RUNDC3B: variants seen among roughly 807,000 people sequenced by gnomAD.
RUNDC3B encodes the protein RUN domain containing 3B.
In RUNDC3B, 33 loss-of-function variants were observed where a neutral mutation model predicts 58.4. That is an observed-to-expected ratio of 0.56 (90% confidence interval 0.43 to 0.75). The LOEUF (loss-of-function observed/expected upper bound fraction) is 0.75. Ranked by LOEUF, RUNDC3B falls within the 30% of genes least tolerant of loss-of-function variation. RUNDC3B has a pLI of 0.00. For missense variants in RUNDC3B, 501 were observed against 535.7 expected, an observed-to-expected ratio of 0.94 and a Z score of 0.64; for synonymous variants, 193 against 195.2, an observed-to-expected ratio of 0.99 and a Z score of 0.10.
At chr7:87,726,706 G>T (rs1831252401) in intron 4 of RUNDC3B, among the ~76,000 whole-genome samples, 1 of 152,116 alleles carries the variant, frequency 6.6e-6, no homozygotes, top group African/African-American at 2.4e-5. Context: ...TCAGGATATT[G>T]ATTCTTCCTA....
intron 10 of RUNDC3B, among the ~76,000 whole-genome samples, chr7:87,817,889 A>G (rs923958004): frequency 6.6e-6 from 1 of 152,328 alleles, no homozygotes; most frequent in Middle Eastern, 3.4e-3. Flanking sequence ...TCAAGTAACC[A>G]TATAATGACA....
At chr7:87,645,130 C>T (rs1218826933) in intron 1 of RUNDC3B, among the ~76,000 whole-genome samples, 16 of 149,936 alleles carry the variant, frequency 1.1e-4, no homozygotes, top group East Asian at 3.9e-4. Context: ...TTGCTCAGGC[C>T]GGAGTGCAGT....
At chr7:87,657,661 T>G (rs1824245926) in intron 2 of RUNDC3B, among the ~76,000 whole-genome samples, 2 of 152,164 alleles carry the variant, frequency 1.3e-5, no homozygotes, top group Non-Finnish European at 2.9e-5. Flanking sequence ...AGTAATGTGC[T>G]GGTTCCTGGC....
At chr7:87,715,246 AATT>A (rs920591416) in intron 4 of RUNDC3B, among the ~76,000 whole-genome samples, 1 of 136,456 alleles carries the variant, frequency 7.3e-6, no homozygotes, top group African/African-American at 2.7e-5. Flanking sequence ...TTATATATAT[AATT>A]ATATTATATA....
intron 5 of RUNDC3B, 58 bp downstream of exon 5, chr7:87,739,938 T>C (rs937727615): frequency 1.3e-6 from 1 of 786,840 alleles, no homozygotes. Context: ...AGTTTCTACT[T>C]ATGATTTTTT....
Position 87,810,060 on chromosome 7 carries a change from A to G in RUNDC3B, c.1103+2541A>G, listed in dbSNP as rs111839977. On this transcript the variant is annotated intron_variant, in intron 9 of 10. Transcript: ENST00000394654. ...AATTCATTACAGTTTTAATGATAGT[A>G]GATGATTTTTCCTGGTAAAGATATG... Among the ~76,000 whole-genome samples, 556 of 151,754 alleles carry G rather than the reference A, an allele frequency of 3.7e-3. 2 individuals are homozygous for G. The highest frequency in any genetic ancestry group is 0.027 in the Middle Eastern group (8 of 294).
At chr7:87,670,954 C>T (rs1023234264) in intron 2 of RUNDC3B, among the ~76,000 whole-genome samples, 1 of 152,050 alleles carries the variant, frequency 6.6e-6, no homozygotes, top group Non-Finnish European at 1.5e-5. Flanking sequence ...CTGCCCACTG[C>T]AGCTTTGGGG....
At chr7:87,693,966 A>G (rs1168940290) in intron 2 of RUNDC3B, 1 of 1,611,516 alleles carries the variant, frequency 6.2e-7, no homozygotes, top group African/African-American at 1.3e-5. Context: ...AAGGTACTCT[A>G]TGCTGGTGAT....
At chr7:87,747,413 G>A (rs889095288) in intron 6 of RUNDC3B, among the ~76,000 whole-genome samples, 1 of 152,188 alleles carries the variant, frequency 6.6e-6, no homozygotes, top group Non-Finnish European at 1.5e-5. Context: ...ACTCTGTGAG[G>A]GTTGTTAGCT....
intron 8 of RUNDC3B, among the ~76,000 whole-genome samples, chr7:87,784,761 G>A (rs1395571074): frequency 1.5e-5 from 2 of 133,666 alleles, no homozygotes; most frequent in African/African-American, 2.8e-5. Flanking sequence ...GGGGGGAGAT[G>A]TTGTTGGGGG....
At chr7:87,645,372 C>T (rs1822901088) in intron 1 of RUNDC3B, among the ~76,000 whole-genome samples, 1 of 152,112 alleles carries the variant, frequency 6.6e-6, no homozygotes, top group African/African-American at 2.4e-5. Context: ...GGTTGAGCCA[C>T]CACGCCTGGC....
intron 8 of RUNDC3B, among the ~76,000 whole-genome samples, chr7:87,783,257 G>T (rs938767630): frequency 6.6e-6 from 1 of 151,974 alleles, no homozygotes; most frequent in Non-Finnish European, 1.5e-5. Context: ...TGACCGTAAT[G>T]ACCTTCTTTG....
intron 2 of RUNDC3B, among the ~76,000 whole-genome samples, chr7:87,659,882 C>CT (rs1329779316): frequency 1.3e-5 from 2 of 152,022 alleles, no homozygotes; most frequent in African/African-American, 4.8e-5. Flanking sequence ...CAGAAGTTGC[C>CT]TTTATTTTTT....
At chr7:87,697,692 A>G (rs895195141) in intron 2 of RUNDC3B, among the ~76,000 whole-genome samples, 10 of 152,212 alleles carry the variant, frequency 6.6e-5, no homozygotes, top group African/African-American at 2.4e-4. Flanking sequence ...TGAATTTAGT[A>G]TGCACTAGAC....
intron 2 of RUNDC3B, among the ~76,000 whole-genome samples, chr7:87,685,515 A>T (rs1827368872): frequency 6.6e-6 from 1 of 152,180 alleles, no homozygotes; most frequent in South Asian, 2.1e-4. Context: ...AAAGGAAAAA[A>T]AATTTCCACA....
At chr7:87,797,606 C>T (rs1005397609) in intron 8 of RUNDC3B, among the ~76,000 whole-genome samples, 2 of 152,056 alleles carry the variant, frequency 1.3e-5, no homozygotes, top group Middle Eastern at 3.4e-3. Flanking sequence ...TGGGTGATTT[C>T]CCAGCTGTTA....
Position 87,777,437 on chromosome 7 carries a change from T to G in RUNDC3B, c.799-361T>G, listed in dbSNP as rs962236498. ...ATTAATGCTAAAATGTTAATGTCTATGTGTTTTTGAAAAATAATCACAAAG... is the reference window on the plus strand; with the variant it reads ...ATTAATGCTAAAATGTTAATGTCTAGGTGTTTTTGAAAAATAATCACAAAG... On this transcript the variant is annotated intron_variant, in intron 7 of 10. Transcript: ENST00000394654. Among the ~76,000 whole-genome samples, 5 of 152,392 alleles carry G rather than the reference T, an allele frequency of 3.3e-5. No homozygotes were observed. The East Asian group carries it at 9.6e-4, about 29-fold the overall frequency.
Position 87,679,241 on chromosome 7 carries a change from C to T in RUNDC3B, c.239-21180C>T, listed in dbSNP as rs551639052. On this transcript the variant is annotated intron_variant, in intron 2 of 10. Coordinates refer to ENST00000394654, the MANE Select transcript of RUNDC3B (RefSeq NM_001134405.2). ...CCAAGAAGCTGGGACTACAGGTGCCCGCCACCACGCCCGGGTAATTTTTTT... is the reference window on the plus strand; with the variant it reads ...CCAAGAAGCTGGGACTACAGGTGCCTGCCACCACGCCCGGGTAATTTTTTT... 4.4e-4 allele frequency among the ~76,000 whole-genome samples: 66 copies of T among 149,050 alleles called. 5 individuals are homozygous for T. Among genetic ancestry groups the T allele is most frequent in the South Asian group, 1.3e-3 (6 of 4,726 alleles).
In RUNDC3B at chr7:87,669,938, A is replaced by G. The variant is rs116865391; in HGVS notation, c.238+19001A>G. Among the ~76,000 whole-genome samples the G allele has an allele frequency of 1.0e-2, 1,515 of 152,184 alleles. 10 individuals carry two copies. The highest frequency in any genetic ancestry group is 0.013 in the Non-Finnish European group (856 of 68,004). On this transcript the variant is annotated intron_variant, in intron 2 of 10. Coordinates refer to ENST00000394654, the MANE Select transcript of RUNDC3B (RefSeq NM_001134405.2). ...CATTTTAACCTTGGAATAGCTGATG[A>G]CATGTGTTTTGGGGGTGATCTTCTT...
Sources: gnomAD v4.1 joint callset for allele counts (sites outside exome capture counted in the v4.1 genomes callset) on GRCh38, gnomAD v4.1.1 for gene constraint, MANE v1.5 for transcripts, NCBI Gene and HGNC (gene_info 2026-07-23, HGNC 2026-07-21) for gene names.